CUX2: variants seen among roughly 807,000 people sequenced by gnomAD.
The protein encoded by CUX2 is homeobox protein cut-like 2.
CUX2 carries 40 observed loss-of-function variants against 144.8 expected under a neutral mutation model. The observed-to-expected ratio is 0.28, with a 90% CI of 0.21 to 0.36. The LOEUF (loss-of-function observed/expected upper bound fraction) is 0.36. Ranked by LOEUF, CUX2 falls within the 10% of genes least tolerant of loss-of-function variation. The probability of loss-of-function intolerance (pLI) is 1.00; values close to 1 mark genes in which losing one functional copy is unlikely to be tolerated. For synonymous variants in CUX2, 827 were observed against 875.6 expected (o/e 0.94, Z 0.98); for missense variants, 1,615 against 1,994.0 (o/e 0.81, Z 3.62).
At chr12:111,167,513 T>C (rs1878225056) in intron 1 of CUX2, among the ~76,000 whole-genome samples, 1 of 152,220 alleles carries the variant, frequency 6.6e-6, no homozygotes, top group African/African-American at 2.4e-5. Context: ...CCCCCGTCCA[T>C]GGTAGAAGGG....
intron 1 of CUX2, among the ~76,000 whole-genome samples, chr12:111,104,343 G>A (rs959599326): frequency 3.3e-5 from 5 of 152,266 alleles, no homozygotes; most frequent in South Asian, 2.1e-4. Context: ...GGATTTAATC[G>A]AGAAGCCAAA....
chr12:111,230,539 G>A (rs1003964388), intron 3 of CUX2, among the ~76,000 whole-genome samples: 1 of 152,176 alleles, frequency 6.6e-6, no homozygotes, highest in African/African-American at 2.4e-5. Context: ...AGAGCCCACT[G>A]GCTTCCGACC....
chr12:111,305,824 G>A (rs894953833), intron 10 of CUX2, among the ~76,000 whole-genome samples: 3 of 152,144 alleles, frequency 2.0e-5, no homozygotes, highest in Admixed American at 6.6e-5. Context: ...TTGAGCACGC[G>A]CATGTCTGTT....
chr12:111,263,886 T>C lies in CUX2; in HGVS notation c.301+47T>C, dbSNP rs1884254583. The C allele has an allele frequency of 6.5e-7, 1 of 1,529,544 alleles. No individual in the cohort carries two copies. Among genetic ancestry groups the C allele is most frequent in the Non-Finnish European group, 9.1e-7 (1 of 1,103,394 alleles). The allele number at this position is 1,529,544 out of a possible 1,614,324, so 94.7% of individuals were successfully genotyped here. A position where few individuals can be genotyped will look rare whatever the true frequency, so the allele number is the denominator to read the frequency against. On this transcript the variant is annotated intron_variant, in intron 4 of 21. Coordinates refer to ENST00000261726, the MANE Select transcript of CUX2 (RefSeq NM_015267.4). The surrounding 1 kb of genome is among the most constrained non-coding windows in gnomAD (Gnocchi z 4.0). Reference sequence around the variant, plus strand: ...TAATTGAATAGTTAACGACAATAAATAGCCATTAGGACTGTGACACAGGGA... The same window carrying C: ...TAATTGAATAGTTAACGACAATAAACAGCCATTAGGACTGTGACACAGGGA...
intron 13 of CUX2, 35 bp downstream of exon 13, chr12:111,308,368 C>T: frequency 1.2e-6 from 2 of 1,614,032 alleles, no homozygotes; most frequent in East Asian, 2.2e-5. Context: ...GCAGGGCAGG[C>T]TGCCCCAGTG....
At position 111,320,007 on chromosome 12, in the gene CUX2, C is replaced by G; in HGVS notation, c.2003-5C>G. On this transcript the variant is annotated splice_region_variant and splice_polypyrimidine_tract_variant and intron_variant, in intron 16 of 21. Transcript: ENST00000261726. The surrounding 1 kb of genome is among the most constrained non-coding windows in gnomAD (Gnocchi z 8.1). Reference sequence around the variant, plus strand: ...CCTCGGGCCGTCCTGTCCCCCTCCCCGCAGGCGAGCCCAAGACCTCGGTGG... The same window carrying G: ...CCTCGGGCCGTCCTGTCCCCCTCCCGGCAGGCGAGCCCAAGACCTCGGTGG... 1 of 1,504,232 alleles carries G rather than the reference C, an allele frequency of 6.6e-7. No homozygotes were observed. Among genetic ancestry groups the G allele is most frequent in the Non-Finnish European group, 8.8e-7 (1 of 1,133,284 alleles). The allele number at this position is 1,504,232 out of a possible 1,614,324, so 93.2% of individuals were successfully genotyped here. A position where few individuals can be genotyped will look rare whatever the true frequency, so the allele number is the denominator to read the frequency against.
At chr12:111,127,620 C>A (rs1391841974) in intron 1 of CUX2, among the ~76,000 whole-genome samples, 1 of 152,204 alleles carries the variant, frequency 6.6e-6, no homozygotes, top group Admixed American at 6.5e-5. Flanking sequence ...ACTAAGACCT[C>A]TAGACCAGCA....
chr12:111,156,157 G>T (rs1002521632), intron 1 of CUX2, among the ~76,000 whole-genome samples: 2 of 152,122 alleles, frequency 1.3e-5, no homozygotes, highest in African/African-American at 4.8e-5. Flanking sequence ...GGGCAGAAAC[G>T]TAGGCTGTGA....
chr12:111,184,573 C>CAAAAAAAAA (rs71445536), intron 1 of CUX2, among the ~76,000 whole-genome samples: 5 of 46,922 alleles, frequency 1.1e-4, no homozygotes, highest in Non-Finnish European at 1.5e-4. Flanking sequence ...TTCTCTCTAC[C>CAAAAAAAAA]AAAAAAAAAA....
intron 1 of CUX2, among the ~76,000 whole-genome samples, chr12:111,064,100 C>G (rs1870922745): frequency 6.6e-6 from 1 of 152,142 alleles, no homozygotes; most frequent in African/African-American, 2.4e-5. Context: ...TAGAAGGAGC[C>G]TTGTGTTTCT....
At chr12:111,121,734 AT>A (rs1242729761) in intron 1 of CUX2, among the ~76,000 whole-genome samples, 1 of 151,690 alleles carries the variant, frequency 6.6e-6, no homozygotes, top group South Asian at 2.1e-4. Context: ...TTTTAAGATA[AT>A]TTTTCCCCCA....
intron 1 of CUX2, among the ~76,000 whole-genome samples, chr12:111,158,678 C>CA (rs1877549938): frequency 6.6e-6 from 1 of 150,588 alleles, no homozygotes; most frequent in African/African-American, 2.4e-5. Flanking sequence ...TAAAACAAAA[C>CA]AAAAAAATCC....
At chr12:111,168,228 A>G (rs112586235) in intron 1 of CUX2, among the ~76,000 whole-genome samples, 1,669 of 151,740 alleles carry the variant, frequency 0.011, 27 homozygotes, top group African/African-American at 0.039. Context: ...CCTCACCCCA[A>G]CTCTGCTGTG....
chr12:111,178,244 C>T lies in CUX2; in HGVS notation c.64-35956C>T, dbSNP rs1878969090. Among the ~76,000 whole-genome samples the T allele has an allele frequency of 6.6e-6, 1 of 152,226 alleles. No homozygotes were observed. Among genetic ancestry groups the T allele is most frequent in the Non-Finnish European group, 1.5e-5 (1 of 68,034 alleles). On this transcript the variant is annotated intron_variant, in intron 1 of 21. Coordinates refer to ENST00000261726, the MANE Select transcript of CUX2 (RefSeq NM_015267.4). The surrounding 1 kb of genome is among the most constrained non-coding windows in gnomAD (Gnocchi z 5.7). ...TTTCACTTTCATTTTAAAAACCAGC[C>T]AGTGTAATAAATCTTGCCCCGAAAT...
chr12:111,211,887 A>AG (rs1491460654), intron 1 of CUX2, among the ~76,000 whole-genome samples: 2 of 131,034 alleles, frequency 1.5e-5, no homozygotes, highest in Admixed American at 1.5e-4. Flanking sequence ...ACTCCGTCTC[A>AG]AAAAAAAAAA....
intron 1 of CUX2, among the ~76,000 whole-genome samples, chr12:111,036,817 AT>A (rs1869480301): frequency 6.6e-6 from 1 of 151,990 alleles, no homozygotes; most frequent in Non-Finnish European, 1.5e-5. Flanking sequence ...GCGTGCAAAC[AT>A]TTTGGCCCTC....
Position 111,320,159 on chromosome 12 carries a change from C to T in CUX2, c.2150C>T (p.Ala717Val), listed in dbSNP as rs748685119. The change falls in exon 17 of 22, where the codon GCG becomes GTG. Residue 717 changes from alanine (A) to valine (V), a missense_variant. This residue lies in a region of CUX2 where 390 missense variants were observed against 387.1 expected (regional missense o/e 1.01). Coordinates refer to ENST00000261726, the MANE Select transcript of CUX2 (RefSeq NM_015267.4). This position sits in a 1 kb window ranked among gnomAD's most constrained non-coding sequence, Gnocchi z 8.1. ...QQQALLEMEV[A>V]PRGRSVPPSP... The stretch of plus-strand genomic sequence containing the variant: ...CAGGCGCTGCTGGAGATGGAGGTGG[C>T]GCCCAGGGGCCGCTCGGTGCCCCCC... 5.4e-5 allele frequency: 83 copies of T among 1,543,142 alleles called. No homozygotes were observed. The highest frequency in any genetic ancestry group is 2.1e-5 in the Non-Finnish European group (24 of 1,148,416).
intron 21 of CUX2, 82 bp from the exon 22 acceptor site, chr12:111,347,429 GCAGTGGGTGGGAC>G: frequency 8.5e-7 from 1 of 1,170,480 alleles, no homozygotes; most frequent in South Asian, 1.5e-5. Context: ...GAGCCCCAGG[GCAGTGGGTGGGAC>G]CAAAATGCCA....
intron 1 of CUX2, among the ~76,000 whole-genome samples, chr12:111,043,955 A>G (rs894878515): frequency 6.6e-6 from 1 of 152,178 alleles, no homozygotes; most frequent in Non-Finnish European, 1.5e-5. Flanking sequence ...TCCATCCCAT[A>G]GCTGGCCCAG....
Sources: gnomAD v4.1 joint callset for allele counts (sites outside exome capture counted in the v4.1 genomes callset) on GRCh38, gnomAD v4.1.1 for gene constraint, gnomAD v4.1.1 regional missense constraint, Gnocchi (gnomAD v3.1) non-coding constraint, MANE v1.5 for transcripts, NCBI Gene and HGNC (gene_info 2026-07-23, HGNC 2026-07-21) for gene names.